COBL: variants seen among roughly 807,000 people sequenced by gnomAD.
The protein encoded by COBL is cordon-bleu WH2 repeat protein.
In COBL, 51 loss-of-function variants were observed where a neutral mutation model predicts 98.8. That is an observed-to-expected ratio of 0.52 (90% CI 0.41 to 0.65). The LOEUF is 0.65. COBL is among the 30% of genes least tolerant of loss of function. COBL has a pLI of 0.00. For synonymous variants in COBL, 634 were observed against 651.7 expected (o/e 0.97, Z 0.41); for missense variants, 1,617 against 1,617.5 (o/e 1.00, Z 0.01).
intron 1 of COBL, among the ~76,000 whole-genome samples, chr7:51,262,234 A>C (rs1307758778): frequency 6.6e-6 from 1 of 152,188 alleles, no homozygotes; most frequent in Non-Finnish European, 1.5e-5. Context: ...AGGCAGAAGA[A>C]GAAGTGCAGG....
chr7:51,210,535 G>T (rs1231623777), intron 2 of COBL, among the ~76,000 whole-genome samples: 2 of 152,200 alleles, frequency 1.3e-5, no homozygotes, highest in Non-Finnish European at 2.9e-5. Context: ...TCTCTCTGGG[G>T]CTGCCTCTAT....
chr7:51,193,425 T>C lies in COBL; in HGVS notation c.410A>G (p.Lys137Arg), dbSNP rs749666063. 2 of 1,614,170 alleles carry C rather than the reference T, an allele frequency of 1.2e-6. No homozygotes were observed. Among genetic ancestry groups the C allele is most frequent in the Non-Finnish European group, 1.7e-6 (2 of 1,180,016 alleles). Residue 137 changes from lysine to arginine, a missense_variant, in exon 3 of 13, where the codon AAA becomes AGA. Physicochemically the swap from Lys to Arg is conservative, Grantham distance 26. Coordinates refer to ENST00000265136, the MANE Select transcript of COBL (RefSeq NM_015198.5). ...LNVHTVFLKEKVPEEKVKPGP... is the reference protein window; with the variant it reads ...LNVHTVFLKERVPEEKVKPGP... ...AGGCTTAACCTTCTCTTCAGGAACT[T>C]TTTCTTTCAGAAACACAGTATGCAC...
chr7:51,160,965 G>A (rs770487026), intron 5 of COBL, among the ~76,000 whole-genome samples: 4 of 151,566 alleles, frequency 2.6e-5, no homozygotes, highest in African/African-American at 4.9e-5. Context: ...GTGCAGTGGC[G>A]CAATCGAGGC....
chr7:51,224,063 C>T lies in COBL; in HGVS notation c.42-4119G>A, dbSNP rs141539893. ...CTTACTATTGTGTTACACTTGCCTA[C>T]AGTGTTCAGCACAGTAACATGCCGC... On this transcript the variant is annotated intron_variant, in intron 1 of 12. Coordinates refer to ENST00000265136, the MANE Select transcript of COBL (RefSeq NM_015198.5). Among the ~76,000 whole-genome samples, 693 of 152,276 alleles carry T rather than the reference C, an allele frequency of 4.6e-3. 2 individuals carry two copies. The highest frequency in any genetic ancestry group is 0.044 in the Middle Eastern group (13 of 294).
intron 5 of COBL, among the ~76,000 whole-genome samples, chr7:51,180,773 AAAG>A (rs1788870697): frequency 1.3e-5 from 2 of 152,306 alleles, no homozygotes; most frequent in South Asian, 4.1e-4. Context: ...ACAAGTCTCT[AAAG>A]AAGAAGCAGG....
At chr7:51,316,255 T>TC in intron 1 of COBL, 1 of 213,602 alleles carries the variant, frequency 4.7e-6, no homozygotes, top group Non-Finnish European at 9.2e-6. Context: ...GGCAAACACT[T>TC]GGGGGGCCTG....
chr7:51,156,402 G>T, intron 5 of COBL: 1 of 985,228 alleles, frequency 1.0e-6, no homozygotes, highest in Non-Finnish European at 1.2e-6. Flanking sequence ...AAAGCTCACC[G>T]AAGTGTCTCT....
chr7:51,226,566 G>A (rs1350787965), intron 1 of COBL, among the ~76,000 whole-genome samples: 1 of 152,132 alleles, frequency 6.6e-6, no homozygotes, highest in Non-Finnish European at 1.5e-5. Context: ...GACTAAGTGA[G>A]TGAGTAAGTG....
intron 6 of COBL, among the ~76,000 whole-genome samples, chr7:51,113,209 G>C (rs1023568233): frequency 6.6e-6 from 1 of 152,168 alleles, no homozygotes; most frequent in African/African-American, 2.4e-5. Flanking sequence ...ATTCTTAAGA[G>C]AATGGCAAAA....
chr7:51,044,643 T>C (rs765984324), intron 7 of COBL, among the ~76,000 whole-genome samples: 8 of 152,138 alleles, frequency 5.3e-5, no homozygotes, highest in Non-Finnish European at 8.8e-5. Flanking sequence ...AAACAAGCAC[T>C]GTGTTTTGTT....
At chr7:51,249,721 C>T (rs1235516106) in intron 1 of COBL, among the ~76,000 whole-genome samples, 1 of 152,174 alleles carries the variant, frequency 6.6e-6, no homozygotes, top group Non-Finnish European at 1.5e-5. Flanking sequence ...GATTACCAGA[C>T]AATGCTGCCA....
intron 1 of COBL, among the ~76,000 whole-genome samples, chr7:51,250,066 C>T (rs964951393): frequency 2.0e-5 from 3 of 151,890 alleles, no homozygotes; most frequent in Non-Finnish European, 4.4e-5. Context: ...CGCACCACTG[C>T]ACTCCAGCCT....
At chr7:51,192,125 A>C (rs980652055) in intron 3 of COBL, among the ~76,000 whole-genome samples, 1 of 152,206 alleles carries the variant, frequency 6.6e-6, no homozygotes, top group Non-Finnish European at 1.5e-5. Context: ...AATAAGGGGA[A>C]ATCTCTGGTC....
chr7:51,167,287 A>C (rs1462069589), intron 5 of COBL, among the ~76,000 whole-genome samples: 1 of 152,210 alleles, frequency 6.6e-6, no homozygotes, highest in Non-Finnish European at 1.5e-5. Flanking sequence ...AATCAGTAGC[A>C]TTTCTATATG....
intron 5 of COBL, among the ~76,000 whole-genome samples, chr7:51,166,906 C>T (rs769099379): frequency 2.6e-4 from 39 of 152,102 alleles, no homozygotes; most frequent in Non-Finnish European, 1.5e-4. Context: ...TTCAACATCC[C>T]TTCATGATAA....
chr7:51,259,853 G>C (rs1338648574), intron 1 of COBL: 2 of 756,304 alleles, frequency 2.6e-6, no homozygotes, highest in Non-Finnish European at 4.8e-6. Flanking sequence ...TCTTGCCATG[G>C]TTCTCTGCAC....
At chr7:51,236,236 C>T (rs1795247913) in intron 1 of COBL, among the ~76,000 whole-genome samples, 1 of 152,182 alleles carries the variant, frequency 6.6e-6, no homozygotes, top group African/African-American at 2.4e-5. Flanking sequence ...ATGGAAAAAT[C>T]CAGTTTCTGT....
chr7:51,087,341 A>G (rs546586720), intron 6 of COBL, among the ~76,000 whole-genome samples: 1 of 152,310 alleles, frequency 6.6e-6, no homozygotes, highest in South Asian at 2.1e-4. Context: ...CATAATTACA[A>G]TTTCTAAATT....
chr7:51,114,161 C>T (rs1049170281), intron 6 of COBL, among the ~76,000 whole-genome samples: 2 of 152,140 alleles, frequency 1.3e-5, no homozygotes, highest in Non-Finnish European at 2.9e-5. Context: ...CTACGCTTGC[C>T]ACAAGGCTGG....
Sources: allele counts gnomAD v4.1 joint callset (sites outside exome capture counted in the v4.1 genomes callset), GRCh38; gene constraint gnomAD v4.1.1; transcripts MANE v1.5; gene names NCBI Gene and HGNC (gene_info 2026-07-23, HGNC 2026-07-21).